The following CCDC63 variants were observed in gnomAD, a reference collection of about 807,000 sequenced individuals.
CCDC63 encodes coiled-coil domain-containing protein 63.
A neutral mutation model predicts 63.6 loss-of-function variants in CCDC63; 54 were observed. The observed-to-expected ratio is 0.85, with a 90% CI of 0.68 to 1.07. The LOEUF is 1.07. Ranked by LOEUF, CCDC63 falls within the 50% of genes least tolerant of loss-of-function variation. CCDC63 has a pLI of 0.00. For missense variants in CCDC63, 637 were observed against 689.6 expected (o/e 0.92, Z 0.86); for synonymous variants, 253 against 266.1 (o/e 0.95, Z 0.48).
chr12:110,856,854 TTTTTTTTTTTG>T (rs1242740611), intron 3 of CCDC63, among the ~76,000 whole-genome samples: 1 of 148,692 alleles, frequency 6.7e-6, no homozygotes, highest in African/African-American at 2.5e-5. Flanking sequence ...CTTTTTTTTT[TTTTTTTTTTTG>T]AGACAGGGTC....
At chr12:110,859,670 CA>C (rs533303804) in intron 4 of CCDC63, among the ~76,000 whole-genome samples, 112 of 134,066 alleles carry the variant, frequency 8.4e-4, no homozygotes, top group African/African-American at 1.0e-3. Context: ...ATTATGGTAA[CA>C]AAAAAAAAAA....
Position 110,852,977 on chromosome 12 carries a change from G to C in CCDC63, c.9+14G>C. The C allele has an allele frequency of 6.2e-7, 1 of 1,613,884 alleles. No individual in the cohort carries two copies. The highest frequency in any genetic ancestry group is 8.5e-7 in the Non-Finnish European group (1 of 1,179,762). On this transcript the variant is annotated intron_variant, in intron 2 of 11. Transcript: ENST00000308208. Reference sequence around the variant, plus strand: ...AAGATGTCTGTGGTAGGTGATGCCAGCTCCCAGCCACAGAGCACCTACTAT... The same window carrying C: ...AAGATGTCTGTGGTAGGTGATGCCACCTCCCAGCCACAGAGCACCTACTAT...
intron 8 of CCDC63, 83 bp from the exon 9 acceptor site, chr12:110,892,993 T>A: frequency 9.2e-7 from 1 of 1,085,994 alleles, no homozygotes; most frequent in Non-Finnish European, 1.4e-6. Flanking sequence ...CCTCATCGAC[T>A]CTTTGAGGCG....
At chr12:110,903,191 T>C (rs1473707367) in intron 10 of CCDC63, among the ~76,000 whole-genome samples, 2 of 151,712 alleles carry the variant, frequency 1.3e-5, no homozygotes, top group Non-Finnish European at 1.5e-5. Flanking sequence ...TTTTGTTTTT[T>C]AGTAAGACAG....
At chr12:110,852,741 C>T (rs1011623026) in intron 1 of CCDC63, 118 bp from the exon 2 acceptor site, 7 of 678,530 alleles carry the variant, frequency 1.0e-5, no homozygotes, top group Non-Finnish European at 1.6e-5. Context: ...GTATCCTCCT[C>T]ATGTGCCAAG....
chr12:110,887,871 C>T (rs2071304767), intron 8 of CCDC63, among the ~76,000 whole-genome samples: 1 of 152,116 alleles, frequency 6.6e-6, no homozygotes, highest in Non-Finnish European at 1.5e-5. Context: ...GCTGGGAATA[C>T]AGCGTGAGCC....
intron 5 of CCDC63, among the ~76,000 whole-genome samples, chr12:110,875,262 C>A (rs1240795555): frequency 2.0e-5 from 3 of 152,202 alleles, no homozygotes; most frequent in African/African-American, 7.2e-5. Context: ...CAAATCAGAA[C>A]CTCCAGGGCT....
chr12:110,881,119 G>T lies in CCDC63; in HGVS notation c.676G>T (p.Glu226Ter), dbSNP rs2071201574. ...QSSQAYEQRV[E>*]AMARMAAMKD... ...CTCTGTACTCCCTTTGCCCAGGGTGGAGGCCATGGCTCGAATGGCTGCCAT... is the reference window on the plus strand; with the variant it reads ...CTCTGTACTCCCTTTGCCCAGGGTGTAGGCCATGGCTCGAATGGCTGCCAT... The change falls in exon 7 of 12, where the codon GAG becomes TAG. Residue 226 changes from glutamate (E) to a stop codon, truncating the protein, a stop_gained. Coordinates refer to ENST00000308208, the MANE Select transcript of CCDC63 (RefSeq NM_152591.3). LOFTEE classifies it high-confidence loss of function. 1 of 1,610,094 alleles carries T rather than the reference G, an allele frequency of 6.2e-7. No individual in the cohort carries two copies.
chr12:110,873,934 T>A lies in CCDC63; in HGVS notation c.462T>A (p.Ile154=). The A allele has an allele frequency of 6.2e-7, 1 of 1,611,440 alleles. No homozygotes were observed. The highest frequency in any genetic ancestry group is 8.5e-7 in the Non-Finnish European group (1 of 1,179,252). ...ACCCCCGGAAACTGCAGAAACAGATTCACATTTTGGAAACCCGTTTGAATC... is the reference window on the plus strand; with the variant it reads ...ACCCCCGGAAACTGCAGAAACAGATACACATTTTGGAAACCCGTTTGAATC... ...ANNPRKLQKQ[I]HILETRLNLV... is the part of the protein sequence containing the mutation. The change falls in exon 5 of 12, where the codon ATT becomes ATA. Residue 154 remains isoleucine (I), a synonymous_variant. Transcript: ENST00000308208.
intron 8 of CCDC63, among the ~76,000 whole-genome samples, chr12:110,885,490 A>C (rs933972599): frequency 6.6e-6 from 1 of 152,128 alleles, no homozygotes; most frequent in Non-Finnish European, 1.5e-5. Context: ...GTGACATTCC[A>C]GCCCCTTCAA....
intron 3 of CCDC63, among the ~76,000 whole-genome samples, chr12:110,855,908 C>G (rs2070763865): frequency 1.3e-5 from 2 of 151,906 alleles, no homozygotes; most frequent in South Asian, 4.2e-4. Context: ...AGTGAAACAC[C>G]TATACAGTAT....
At chr12:110,883,035 A>C (rs1199294951) in intron 7 of CCDC63, among the ~76,000 whole-genome samples, 1 of 133,872 alleles carries the variant, frequency 7.5e-6, no homozygotes, top group Non-Finnish European at 1.6e-5. Flanking sequence ...GCTAATTTTA[A>C]ATTTTTTTTT....
upstream of CCDC63, among the ~76,000 whole-genome samples, chr12:110,846,515 T>C (rs973944569): frequency 1.3e-5 from 2 of 149,754 alleles, no homozygotes; most frequent in Non-Finnish European, 2.9e-5. Flanking sequence ...GAAATATCTC[T>C]TTCCCCCCCC....
intron 4 of CCDC63, among the ~76,000 whole-genome samples, chr12:110,859,280 G>A (rs570673517): frequency 6.6e-6 from 1 of 152,082 alleles, no homozygotes; most frequent in African/African-American, 2.4e-5. Flanking sequence ...GCTGGCCATT[G>A]AATATTCCAG....
In CCDC63 at chr12:110,879,937, C is replaced by A; in HGVS notation, c.521C>A (p.Thr174Asn). ...GTTCACTTTGACAAGATGCTGACCA[C>A]TAATGCCAAGCTCCGGAAGGAGATT... ...VTVHFDKMLT[T>N]NAKLRKEIED... Residue 174 changes from threonine (T) to asparagine (N), a missense_variant, in exon 6 of 12, where the codon ACT becomes AAT. Transcript: ENST00000308208. 6.2e-7 allele frequency: 1 copy of A among 1,614,196 alleles called. No homozygotes were observed. The highest frequency in any genetic ancestry group is 1.1e-5 in the South Asian group (1 of 91,078).
Position 110,873,901 on chromosome 12 carries a change from G to C in CCDC63, c.429G>C (p.Glu143Asp), listed in dbSNP as rs1271493136. Residue 143 changes from glutamate (E) to aspartate (D), a missense_variant, in exon 5 of 12, where the codon GAG (glutamate) becomes GAC (aspartate). By Grantham distance (45) the Glu-to-Asp change is conservative. Coordinates refer to ENST00000308208, the MANE Select transcript of CCDC63 (RefSeq NM_152591.3). The part of the protein sequence containing the change: ...NQKQIFAKMQ[E>D]ANNPRKLQKQ... ...AACAGATTTTCGCAAAAATGCAGGA[G>C]GCCAATAACCCCCGGAAACTGCAGA... The C allele has an allele frequency of 6.2e-7, 1 of 1,611,934 alleles. No individual in the cohort carries two copies. The highest frequency in any genetic ancestry group is 1.3e-5 in the African/African-American group (1 of 74,346).
chr12:110,888,162 TAA>T (rs2071309189), intron 8 of CCDC63, among the ~76,000 whole-genome samples: 1 of 152,104 alleles, frequency 6.6e-6, no homozygotes, highest in South Asian at 2.1e-4. Context: ...TTTGAGTTGC[TAA>T]CTGAGGTTCA....
intron 4 of CCDC63, among the ~76,000 whole-genome samples, chr12:110,866,944 G>C (rs1251026369): frequency 3.5e-5 from 5 of 142,228 alleles, no homozygotes; most frequent in Non-Finnish European, 3.1e-5. Flanking sequence ...GGCCGGGCGG[G>C]GGGCTGACCC....
intron 9 of CCDC63, among the ~76,000 whole-genome samples, chr12:110,895,982 C>T (rs1434805507): frequency 6.6e-6 from 1 of 151,920 alleles, no homozygotes; most frequent in Admixed American, 6.6e-5. Flanking sequence ...AAAACTAGGC[C>T]GATTATGAGG....
Sources: gnomAD v4.1 joint callset for allele counts (sites outside exome capture counted in the v4.1 genomes callset) on GRCh38, gnomAD v4.1.1 for gene constraint, MANE v1.5 for transcripts, NCBI Gene and HGNC (gene_info 2026-07-23, HGNC 2026-07-21) for gene names.